Variants in LRRC37A2 observed in about 807,000 individuals in gnomAD.
LRRC37A2 encodes the protein leucine-rich repeat-containing protein 37A2.
Under a neutral mutation model 68.8 loss-of-function variants are expected in LRRC37A2, and 9 were observed. That is an observed-to-expected ratio of 0.13 (90% confidence interval 0.08 to 0.23). The LOEUF is 0.23. LRRC37A2 is among the 10% of genes least tolerant of loss of function. The pLI is 1.00. For synonymous variants in LRRC37A2, 63 were observed against 367.6 expected, an observed-to-expected ratio of 0.17 and a Z score of 9.48; for missense variants, 168 against 950.4, an observed-to-expected ratio of 0.18 and a Z score of 10.82.
the LRRC37A2 span, among the ~76,000 whole-genome samples, chr17:46,857,097 G>A: frequency 3.9e-5 from 6 of 152,248 alleles, no homozygotes; most frequent in African/African-American, 1.2e-4. Context: ...TAGCAATAGC[G>A]AATTCCTTTT....
At chr17:46,999,297 G>A in the LRRC37A2 span, among the ~76,000 whole-genome samples, 185 of 152,028 alleles carry the variant, frequency 1.2e-3, 2 homozygotes, top group African/African-American at 4.0e-3. Flanking sequence ...ATGAGATGAC[G>A]CCCTTCATAC....
chr17:46,941,980 A>G, the LRRC37A2 span: 1 of 983,618 alleles, frequency 1.0e-6, no homozygotes, highest in Admixed American at 6.2e-5. Flanking sequence ...AAAGAGCAAA[A>G]CTTGTTAAGT....
chr17:46,959,539 G>C, the LRRC37A2 span, among the ~76,000 whole-genome samples: 3 of 151,704 alleles, frequency 2.0e-5, no homozygotes, highest in African/African-American at 7.3e-5. Flanking sequence ...TGGAAGCCCA[G>C]GTTTTTGGGA....
chr17:46,543,401 AAAG>A (rs1304302779), intron 8 of LRRC37A2, among the ~76,000 whole-genome samples: 1 of 150,946 alleles, frequency 6.6e-6, no homozygotes, highest in African/African-American at 2.5e-5. Context: ...GAAGGAGACT[AAAG>A]AATCATGTAC....
chr17:46,804,367 G>T, the LRRC37A2 span, among the ~76,000 whole-genome samples: 2 of 152,158 alleles, frequency 1.3e-5, no homozygotes, highest in African/African-American at 4.8e-5. Context: ...GACTACAGGC[G>T]CAAGCCACCA....
chr17:46,833,250 G>T, the LRRC37A2 span: 7 of 442,248 alleles, frequency 1.6e-5, no homozygotes, highest in African/African-American at 1.0e-4. Flanking sequence ...GAGCCCTGAC[G>T]CTTCAGCTGA....
chr17:46,924,737 A>C, the LRRC37A2 span, among the ~76,000 whole-genome samples: 1 of 152,238 alleles, frequency 6.6e-6, no homozygotes, highest in Non-Finnish European at 1.5e-5. Context: ...TTCTCACATA[A>C]ACGTTATAGG....
chr17:47,002,645 C>T, the LRRC37A2 span, among the ~76,000 whole-genome samples: 1 of 152,214 alleles, frequency 6.6e-6, no homozygotes, highest in East Asian at 1.9e-4. Context: ...CTGCCTCGGC[C>T]TCCCAAAGTG....
At chr17:47,038,464 A>G in the LRRC37A2 span, among the ~76,000 whole-genome samples, 1 of 151,818 alleles carries the variant, frequency 6.6e-6, no homozygotes, top group African/African-American at 2.4e-5. Context: ...AATTTTTTTT[A>G]GTTATCCGAG....
At chr17:47,044,992 CAG>C in the LRRC37A2 span, among the ~76,000 whole-genome samples, 1 of 151,178 alleles carries the variant, frequency 6.6e-6, no homozygotes, top group Non-Finnish European at 1.5e-5. Context: ...GCCTGTATAA[CAG>C]AGCGAGACCT....
chr17:46,534,075 A>G (rs1598403050), intron 6 of LRRC37A2, among the ~76,000 whole-genome samples: 1 of 135,752 alleles, frequency 7.4e-6, no homozygotes, highest in South Asian at 2.3e-4. Context: ...GCAGTGGTGC[A>G]ACCACTCACA....
At chr17:47,043,789 T>C in the LRRC37A2 span, among the ~76,000 whole-genome samples, 1 of 138,616 alleles carries the variant, frequency 7.2e-6, no homozygotes, top group African/African-American at 2.5e-5. Flanking sequence ...CTGGTAATCC[T>C]ATCAGTTTGG....
chr17:46,974,029 C>A, the LRRC37A2 span, among the ~76,000 whole-genome samples: 1 of 152,206 alleles, frequency 6.6e-6, no homozygotes, highest in African/African-American at 2.4e-5. Context: ...TTGGCTTAGA[C>A]AAGTAAGTAA....
At chr17:46,833,730 G>A in the LRRC37A2 span, among the ~76,000 whole-genome samples, 12 of 152,180 alleles carry the variant, frequency 7.9e-5, no homozygotes, top group Admixed American at 3.9e-4. Flanking sequence ...GTGAGTGAGC[G>A]TCCTGGAAAA....
chr17:46,805,689 TAC>T, the LRRC37A2 span, among the ~76,000 whole-genome samples: 3 of 152,202 alleles, frequency 2.0e-5, no homozygotes, highest in Admixed American at 2.0e-4. Flanking sequence ...AGATTGAGGC[TAC>T]AGTGGGCTGT....
chr17:47,024,235 T>C, the LRRC37A2 span, among the ~76,000 whole-genome samples: 1 of 152,236 alleles, frequency 6.6e-6, no homozygotes, highest in Admixed American at 6.5e-5. Flanking sequence ...GTGCACTTTA[T>C]GCACATTATA....
At chr17:46,807,799 A>G in the LRRC37A2 span, among the ~76,000 whole-genome samples, 1 of 152,250 alleles carries the variant, frequency 6.6e-6, no homozygotes. Context: ...GGATCAGGGA[A>G]GGTCCACACG....
chr17:46,722,040 G>C, the LRRC37A2 span: 1 of 1,609,220 alleles, frequency 6.2e-7, no homozygotes, highest in Non-Finnish European at 8.5e-7. Context: ...GTAATATTCA[G>C]CTCCCTGAGC....
the LRRC37A2 span, among the ~76,000 whole-genome samples, chr17:46,751,883 A>G: frequency 6.6e-6 from 1 of 152,230 alleles, no homozygotes; most frequent in African/African-American, 2.4e-5. Flanking sequence ...ACTAGAAAAG[A>G]CTTCAAAGAG....
Sources: allele counts gnomAD v4.1 joint callset (sites outside exome capture counted in the v4.1 genomes callset), GRCh38; gene constraint gnomAD v4.1.1; transcripts MANE v1.5; gene names NCBI Gene and HGNC (gene_info 2026-07-23, HGNC 2026-07-21).